The following GRM8 variants were observed in gnomAD, a reference collection of about 807,000 sequenced individuals.
GRM8 encodes the protein metabotropic glutamate receptor 8.
A neutral mutation model predicts 87.2 loss-of-function variants in GRM8; 47 were observed. The ratio of observed to expected loss-of-function variants is 0.54; its 90% CI spans 0.43 to 0.69. The LOEUF is 0.69. Among genes scored for constraint, GRM8 ranks in the 30% least tolerant of loss-of-function variants. The pLI, the probability that GRM8 is intolerant of heterozygous loss-of-function variation, is 0.00. For missense variants in GRM8, 1,019 were observed against 1,139.2 expected (o/e 0.89, Z 1.52); for synonymous variants, 396 against 404.5 (o/e 0.98, Z 0.25).
At chr7:126,825,923 A>C (rs28722926) in intron 6 of GRM8, among the ~76,000 whole-genome samples, 3 of 130,888 alleles carry the variant, frequency 2.3e-5, no homozygotes, top group African/African-American at 8.7e-5. Flanking sequence ...TCCTGTGTCC[A>C]TGTGTTCTCA....
chr7:126,696,432 T>C (rs1025777307), intron 7 of GRM8, among the ~76,000 whole-genome samples: 4 of 152,060 alleles, frequency 2.6e-5, no homozygotes, highest in African/African-American at 7.2e-5. Flanking sequence ...CCTCCCTGTA[T>C]CCATCTGTTC....
At chr7:126,572,736 C>T (rs1794787947) in intron 8 of GRM8, among the ~76,000 whole-genome samples, 1 of 152,078 alleles carries the variant, frequency 6.6e-6, no homozygotes. Context: ...AGGAGGAAAA[C>T]CTGGAATCCA....
At position 127,020,976 on chromosome 7, in the gene GRM8, A is replaced by G. The variant is rs542230052; in HGVS notation, c.727+85520T>C. Among the ~76,000 whole-genome samples the G allele has an allele frequency of 3.3e-5, 5 of 152,178 alleles. No individual in the cohort carries two copies. In the South Asian group the frequency reaches 1.0e-3, roughly 32 times the overall value. On this transcript the variant is annotated intron_variant, in intron 3 of 10. Transcript: ENST00000339582. ...TGGATACTGTGCTGAATAGTACATTATTGAAGAAGAGATAAGCGATTGTGT... is the reference window on the plus strand; with the variant it reads ...TGGATACTGTGCTGAATAGTACATTGTTGAAGAAGAGATAAGCGATTGTGT...
At chr7:127,003,058 G>T (rs1306082065) in intron 3 of GRM8, among the ~76,000 whole-genome samples, 2 of 151,606 alleles carry the variant, frequency 1.3e-5, no homozygotes, top group Non-Finnish European at 3.0e-5. Flanking sequence ...CCATTGCTCT[G>T]CCAGGGACAC....
At chr7:127,189,272 G>A (rs1013653450) in intron 2 of GRM8, among the ~76,000 whole-genome samples, 1 of 152,174 alleles carries the variant, frequency 6.6e-6, no homozygotes, top group African/African-American at 2.4e-5. Flanking sequence ...TCTGTAAACA[G>A]TAATTCTCAA....
chr7:126,892,381 G>A (rs1412573667), intron 6 of GRM8, among the ~76,000 whole-genome samples: 6 of 152,156 alleles, frequency 3.9e-5, no homozygotes, highest in East Asian at 3.9e-4. Flanking sequence ...GTGAGAACAC[G>A]CGGTGTTTGG....
intron 2 of GRM8, among the ~76,000 whole-genome samples, chr7:127,157,830 G>T (rs943145165): frequency 6.6e-6 from 1 of 152,046 alleles, no homozygotes; most frequent in African/African-American, 2.4e-5. Flanking sequence ...ACTTAACAAG[G>T]TTACACACAT....
intron 3 of GRM8, among the ~76,000 whole-genome samples, chr7:127,073,439 G>C (rs1821933403): frequency 6.6e-6 from 1 of 152,092 alleles, no homozygotes; most frequent in Admixed American, 6.6e-5. Context: ...CTTTTAGAGG[G>C]GTCAGGGATT....
intron 7 of GRM8, among the ~76,000 whole-genome samples, chr7:126,633,813 A>G (rs1400237676): frequency 6.6e-6 from 1 of 151,988 alleles, no homozygotes; most frequent in African/African-American, 2.4e-5. Flanking sequence ...CCATATAAAT[A>G]ACTATTTGGT....
intron 6 of GRM8, among the ~76,000 whole-genome samples, chr7:126,865,221 T>C (rs994967990): frequency 2.0e-5 from 3 of 152,238 alleles, no homozygotes; most frequent in African/African-American, 7.2e-5. Flanking sequence ...TGGTGATTTA[T>C]CTTAGTTTTA....
At chr7:126,902,768 T>C in intron 5 of GRM8, 89 bp from the exon 6 acceptor site, 2 of 887,108 alleles carry the variant, frequency 2.3e-6, no homozygotes, top group Non-Finnish European at 3.3e-6. Flanking sequence ...TTCTGATCAC[T>C]GCATGAAAAG....
At chr7:126,756,849 A>G (rs937152883) in intron 7 of GRM8, among the ~76,000 whole-genome samples, 18 of 152,064 alleles carry the variant, frequency 1.2e-4, no homozygotes, top group African/African-American at 4.1e-4. Flanking sequence ...ATTCCACTCA[A>G]TTTTGCTGTG....
At chr7:127,034,106 C>T (rs988811188) in intron 3 of GRM8, among the ~76,000 whole-genome samples, 10 of 152,178 alleles carry the variant, frequency 6.6e-5, no homozygotes, top group African/African-American at 1.9e-4. Context: ...GATATCACTG[C>T]ATAATTAATT....
At chr7:126,916,881 C>T (rs149270019) in intron 3 of GRM8, among the ~76,000 whole-genome samples, 3,811 of 152,272 alleles carry the variant, frequency 0.025, 148 homozygotes, top group African/African-American at 0.086. Flanking sequence ...CAAGGAAATG[C>T]AAGTAACATG....
chr7:126,468,041 G>A (rs1237028715), intron 9 of GRM8, among the ~76,000 whole-genome samples: 1 of 151,750 alleles, frequency 6.6e-6, no homozygotes, highest in African/African-American at 2.4e-5. Context: ...ATCTCTAATT[G>A]TCTCACTAGA....
chr7:127,164,088 G>A (rs942597569), intron 2 of GRM8, among the ~76,000 whole-genome samples: 6 of 152,060 alleles, frequency 3.9e-5, no homozygotes, highest in Non-Finnish European at 7.4e-5. Flanking sequence ...CTGTCCTCAG[G>A]ATAGTGAGTG....
At chr7:126,909,077 G>A (rs908096574) in intron 3 of GRM8, among the ~76,000 whole-genome samples, 22 of 152,240 alleles carry the variant, frequency 1.4e-4, no homozygotes, top group African/African-American at 4.8e-4. Flanking sequence ...GACAAAGACC[G>A]CCAGTCCTCA....
chr7:127,081,814 G>A (rs1214871216), intron 3 of GRM8, among the ~76,000 whole-genome samples: 3 of 152,222 alleles, frequency 2.0e-5, no homozygotes, highest in Non-Finnish European at 4.4e-5. Flanking sequence ...ACCATCACGG[G>A]TGGGAGGAGG....
chr7:127,143,692 T>G (rs183688080), intron 2 of GRM8, among the ~76,000 whole-genome samples: 11 of 152,160 alleles, frequency 7.2e-5, no homozygotes, highest in African/African-American at 2.2e-4. Flanking sequence ...ACAAAATTAC[T>G]GATGGTATCC....
Sources: allele counts gnomAD v4.1 joint callset (sites outside exome capture counted in the v4.1 genomes callset), GRCh38; gene constraint gnomAD v4.1.1; transcripts MANE v1.5; gene names NCBI Gene and HGNC (gene_info 2026-07-23, HGNC 2026-07-21).